The following TNRC6B variants were observed in gnomAD, a reference collection of about 807,000 sequenced individuals.
TNRC6B encodes trinucleotide repeat-containing gene 6B protein.
Under a neutral mutation model 203.6 loss-of-function variants are expected in TNRC6B, and 52 were observed. That is an observed-to-expected ratio of 0.26 (90% CI 0.20 to 0.32). The LOEUF (loss-of-function observed/expected upper bound fraction) is 0.32. Among genes scored for constraint, TNRC6B ranks in the 10% least tolerant of loss-of-function variants. The probability of loss-of-function intolerance (pLI) is 1.00; values close to 1 mark genes in which losing one functional copy is unlikely to be tolerated. For synonymous variants in TNRC6B, 838 were observed against 845.7 expected, an observed-to-expected ratio of 0.99 and a Z score of 0.16; for missense variants, 1,923 against 2,286.2, an observed-to-expected ratio of 0.84 and a Z score of 3.24.
chr22:40,170,356 T>TATATATA (rs2068962885), intron 4 of TNRC6B, among the ~76,000 whole-genome samples: 2 of 70,726 alleles, frequency 2.8e-5, no homozygotes, highest in Admixed American at 2.1e-4. Context: ...ATATATATTA[T>TATATATA]GTATATAGTT....
intron 6 of TNRC6B, 62 bp from the exon 7 acceptor site, chr22:40,273,360 AATT>A (rs778443690): frequency 2.7e-4 from 375 of 1,405,758 alleles, no homozygotes; most frequent in Non-Finnish European, 3.4e-4. Context: ...ATCTGCAAGG[AATT>A]ATTATTCTGA....
chr22:40,259,836 G>A (rs2070348089), intron 3 of TNRC6B, among the ~76,000 whole-genome samples: 1 of 152,214 alleles, frequency 6.6e-6, no homozygotes, highest in African/African-American at 2.4e-5. Context: ...ACTACCCCCA[G>A]AGTTGGCCCT....
In TNRC6B at chr22:40,249,640, A is replaced by G. The variant is rs1055871911; in HGVS notation, c.94-1539A>G. On this transcript the variant is annotated intron_variant, in intron 2 of 22. Transcript: ENST00000454349. ...ACATTATTTGGGCTTGTTGCTTACA[A>G]TGGGAAGGCACTGACTTCCTGTATA... is the stretch of plus-strand genomic sequence containing the variant. Among the ~76,000 whole-genome samples the G allele has an allele frequency of 7.2e-5, 11 of 152,350 alleles. No individual in the cohort carries two copies. The East Asian group carries it at 7.7e-4, about 11-fold the overall frequency.
intron 3 of TNRC6B, among the ~76,000 whole-genome samples, chr22:40,260,097 C>T (rs1285119311): frequency 1.3e-5 from 2 of 151,770 alleles, no homozygotes; most frequent in East Asian, 1.9e-4. Flanking sequence ...ACGCTGTGTG[C>T]GGGCCATTTT....
intron 3 of TNRC6B, among the ~76,000 whole-genome samples, chr22:40,144,139 C>T (rs1428668120): frequency 6.6e-6 from 1 of 152,198 alleles, no homozygotes; most frequent in Non-Finnish European, 1.5e-5. Flanking sequence ...ATGGTACAGC[C>T]ACTTAAAGAA....
Position 40,177,976 on chromosome 22 carries a change from T to G in TNRC6B, c.-160T>G, listed in dbSNP as rs530047383. ...AGAGGGAGAGTGTGTGAGAGAGAGT[T>G]AGTTCAAGCCAAAATGGCCGACAGA... is the stretch of plus-strand genomic sequence containing the variant. On this transcript the variant is annotated 5_prime_UTR_variant, in exon 1 of 23. Transcript: ENST00000454349. 1.4e-6 allele frequency: 2 copies of G among 1,476,174 alleles called. No homozygotes were observed. The highest frequency in any genetic ancestry group is 1.4e-5 in the South Asian group (1 of 70,246). 91.4% of individuals were successfully genotyped at this position (1,476,174 alleles called of 1,614,324 possible).
intron 3 of TNRC6B, among the ~76,000 whole-genome samples, chr22:40,257,488 AG>A (rs2070298070): frequency 6.6e-6 from 1 of 151,372 alleles, no homozygotes; most frequent in African/African-American, 2.4e-5. Flanking sequence ...AGGCTGAGGC[AG>A]GTGGATCACC....
chr22:40,318,152 T>A (rs988058822), intron 21 of TNRC6B, among the ~76,000 whole-genome samples: 1 of 152,224 alleles, frequency 6.6e-6, no homozygotes, highest in Non-Finnish European at 1.5e-5. Context: ...AGGACTCGTA[T>A]TTCAAGATGC....
At chr22:40,209,360 A>C (rs560077954) in intron 1 of TNRC6B, among the ~76,000 whole-genome samples, 1 of 152,218 alleles carries the variant, frequency 6.6e-6, no homozygotes, top group Admixed American at 6.5e-5. Flanking sequence ...ACATGCAGTC[A>C]TCTGGTTGGT....
intron 2 of TNRC6B, among the ~76,000 whole-genome samples, chr22:40,123,956 A>G (rs2068466212): frequency 6.6e-6 from 1 of 151,820 alleles, no homozygotes; most frequent in Non-Finnish European, 1.5e-5. Context: ...AACTAGAGAA[A>G]GCCTATTTTC....
chr22:40,064,798 G>A (rs1370656889), intron 1 of TNRC6B, among the ~76,000 whole-genome samples: 1 of 151,640 alleles, frequency 6.6e-6, no homozygotes, highest in Non-Finnish European at 1.5e-5. Flanking sequence ...TGTATTTTTA[G>A]TAGAGACAGG....
chr22:40,161,826 A>T (rs968443498), intron 4 of TNRC6B, among the ~76,000 whole-genome samples: 5 of 152,200 alleles, frequency 3.3e-5, no homozygotes, highest in Admixed American at 1.3e-4. Context: ...AGCAAATCAG[A>T]CAAGCAAAGT....
At chr22:40,079,402 A>T (rs1206312481) in intron 1 of TNRC6B, among the ~76,000 whole-genome samples, 3 of 152,082 alleles carry the variant, frequency 2.0e-5, no homozygotes, top group Non-Finnish European at 4.4e-5. Flanking sequence ...GAATGTAATG[A>T]CCTGAATGTT....
At chr22:40,173,353 A>G (rs973991289), upstream of TNRC6B, among the ~76,000 whole-genome samples, 7 of 151,760 alleles carry the variant, frequency 4.6e-5, no homozygotes, top group African/African-American at 1.5e-4. Context: ...CGGCCTCCCA[A>G]AGTACTGGAA....
At chr22:40,129,808 T>A (rs746185179) in intron 3 of TNRC6B, among the ~76,000 whole-genome samples, 1 of 152,164 alleles carries the variant, frequency 6.6e-6, no homozygotes, top group Non-Finnish European at 1.5e-5. Flanking sequence ...TACATGGAAG[T>A]ATAGATGAAG....
At chr22:40,239,064 G>T (rs568134794) in intron 1 of TNRC6B, among the ~76,000 whole-genome samples, 7 of 152,162 alleles carry the variant, frequency 4.6e-5, no homozygotes, top group African/African-American at 9.7e-5. Flanking sequence ...TTAGCTGGGC[G>T]TGGTGGCAGG....
chr22:40,075,616 A>G (rs548706775), intron 1 of TNRC6B, among the ~76,000 whole-genome samples: 1 of 152,140 alleles, frequency 6.6e-6, no homozygotes, highest in South Asian at 2.1e-4. Context: ...ACTTACATTT[A>G]TGTCATTTTC....
chr22:40,070,863 A>G (rs991694808), intron 1 of TNRC6B, among the ~76,000 whole-genome samples: 6 of 152,126 alleles, frequency 3.9e-5, no homozygotes, highest in African/African-American at 1.4e-4. Flanking sequence ...TTCAGAGTCA[A>G]ATACATTAGT....
At chr22:40,128,246 T>C (rs929479279) in intron 3 of TNRC6B, among the ~76,000 whole-genome samples, 1 of 152,170 alleles carries the variant, frequency 6.6e-6, no homozygotes, top group Admixed American at 6.5e-5. Context: ...TGGAGGCTGA[T>C]CTCATCTCGC....
Sources: gnomAD v4.1 joint callset for allele counts (sites outside exome capture counted in the v4.1 genomes callset) on GRCh38, gnomAD v4.1.1 for gene constraint, MANE v1.5 for transcripts, NCBI Gene and HGNC (gene_info 2026-07-23, HGNC 2026-07-21) for gene names.